Variants in SPOCK1 observed in about 807,000 individuals in gnomAD.
SPOCK1 encodes the protein SPARC (osteonectin), cwcv and kazal like domains proteoglycan 1, also known as testican-1.
Under a neutral mutation model 55.3 loss-of-function variants are expected in SPOCK1, and 23 were observed. The ratio of observed to expected loss-of-function variants is 0.42; its 90% CI spans 0.30 to 0.59. The LOEUF (loss-of-function observed/expected upper bound fraction) is 0.59. SPOCK1 is among the 20% of genes least tolerant of loss of function. The probability of loss-of-function intolerance (pLI) is 0.22; values close to 1 mark genes in which losing one functional copy is unlikely to be tolerated. For missense variants in SPOCK1, 499 were observed against 552.5 expected, an observed-to-expected ratio of 0.90 and a Z score of 0.97; for synonymous variants, 226 against 221.0, an observed-to-expected ratio of 1.02 and a Z score of -0.20.
chr5:136,994,454 A>G (rs1355507725), intron 6 of SPOCK1, among the ~76,000 whole-genome samples: 2 of 152,184 alleles, frequency 1.3e-5, no homozygotes, highest in South Asian at 4.1e-4. Flanking sequence ...ATATGGTTAT[A>G]TAAGTATAAA....
At chr5:137,382,175 C>CT (rs1017717292) in intron 2 of SPOCK1, among the ~76,000 whole-genome samples, 3 of 152,226 alleles carry the variant, frequency 2.0e-5, no homozygotes, top group Non-Finnish European at 4.4e-5. Context: ...CAAGAATGAC[C>CT]TTTGCTCCAG....
intron 6 of SPOCK1, among the ~76,000 whole-genome samples, chr5:137,042,554 G>C (rs1389763071): frequency 6.6e-6 from 1 of 152,120 alleles, no homozygotes; most frequent in Non-Finnish European, 1.5e-5. Flanking sequence ...GACCTGTGTA[G>C]TTTTGGAAAT....
In SPOCK1 at chr5:137,067,785, G is replaced by A; in HGVS notation, c.519C>T (p.Ala173=). 2 of 1,614,150 alleles carry A rather than the reference G, an allele frequency of 1.2e-6. No homozygotes were observed. Among genetic ancestry groups the A allele is most frequent in the African/African-American group, 1.3e-5 (1 of 75,034 alleles). The change falls in exon 6 of 11, where the codon GCC becomes GCT. Residue 173 remains alanine (A), a synonymous_variant. Transcript: ENST00000394945. The part of the protein sequence containing the change: ...FHACSTGKSL[A]TLCDGPCPCL... Reference sequence around the variant, plus strand: ...AGGGACAGGGCCCATCACAGAGGGTGGCGAGGCTTTTGCCAGTAGAACAAG... The same window carrying A: ...AGGGACAGGGCCCATCACAGAGGGTAGCGAGGCTTTTGCCAGTAGAACAAG...
intron 5 of SPOCK1, among the ~76,000 whole-genome samples, chr5:137,070,920 C>G (rs575406839): frequency 6.6e-6 from 1 of 152,152 alleles, no homozygotes; most frequent in South Asian, 2.1e-4. Flanking sequence ...TATCTCTTAT[C>G]TGTATCAGTG....
intron 2 of SPOCK1, among the ~76,000 whole-genome samples, chr5:137,315,874 T>C (rs746390488): frequency 2.6e-5 from 4 of 152,160 alleles, no homozygotes; most frequent in Non-Finnish European, 4.4e-5. Flanking sequence ...TTTGACTCAG[T>C]AGGTCCTAGG....
At chr5:137,225,271 T>G (rs1406096459) in intron 3 of SPOCK1, among the ~76,000 whole-genome samples, 2 of 152,044 alleles carry the variant, frequency 1.3e-5, no homozygotes, top group Non-Finnish European at 2.9e-5. Flanking sequence ...GAGAGTTAGT[T>G]AACTGCTCTG....
intron 2 of SPOCK1, among the ~76,000 whole-genome samples, chr5:137,290,155 C>T (rs1278693163): frequency 6.6e-6 from 1 of 152,162 alleles, no homozygotes; most frequent in Non-Finnish European, 1.5e-5. Context: ...CAGAAATGTT[C>T]ATAAGCAGAA....
At chr5:137,231,625 T>C (rs1051887686) in intron 3 of SPOCK1, among the ~76,000 whole-genome samples, 2 of 152,248 alleles carry the variant, frequency 1.3e-5, no homozygotes, top group Non-Finnish European at 2.9e-5. Context: ...ACAGCTGGTT[T>C]AACCACTCAC....
chr5:137,362,207 C>A (rs573470792), intron 2 of SPOCK1, among the ~76,000 whole-genome samples: 15 of 152,176 alleles, frequency 9.9e-5, no homozygotes, highest in African/African-American at 3.6e-4. Flanking sequence ...AAGAAGGTCA[C>A]TGCTTTAAAA....
chr5:137,120,387 A>G (rs147732039), intron 4 of SPOCK1, among the ~76,000 whole-genome samples: 1 of 152,322 alleles, frequency 6.6e-6, no homozygotes, highest in African/African-American at 2.4e-5. Flanking sequence ...TATGCATGCA[A>G]TTCCAAAAGC....
chr5:137,282,339 A>G (rs2127125874), intron 2 of SPOCK1, among the ~76,000 whole-genome samples: 1 of 152,344 alleles, frequency 6.6e-6, no homozygotes, highest in Admixed American at 6.5e-5. Flanking sequence ...GCAAAAGTGT[A>G]AATAAAATGC....
At chr5:137,107,132 C>T (rs1338299019) in intron 5 of SPOCK1, among the ~76,000 whole-genome samples, 2 of 152,226 alleles carry the variant, frequency 1.3e-5, no homozygotes, top group Non-Finnish European at 1.5e-5. Context: ...CTTATCTAAA[C>T]ATCTATTCTA....
intron 6 of SPOCK1, among the ~76,000 whole-genome samples, chr5:137,048,812 A>G (rs1363804785): frequency 1.0e-5 from 1 of 96,728 alleles, no homozygotes; most frequent in Admixed American, 1.2e-4. Flanking sequence ...CGCTTCCTTC[A>G]GGAGCTCTTT....
intron 6 of SPOCK1, among the ~76,000 whole-genome samples, chr5:137,016,087 G>C (rs1211677529): frequency 1.3e-5 from 2 of 152,170 alleles, no homozygotes. Flanking sequence ...GGGGAGATAA[G>C]GGTGATGGAA....
At position 137,499,291 on chromosome 5, in the gene SPOCK1, C is replaced by A. The variant is rs942143884; in HGVS notation, c.-113G>T. On this transcript the variant is annotated 5_prime_UTR_variant, in exon 1 of 11. Coordinates refer to ENST00000394945, the MANE Select transcript of SPOCK1 (RefSeq NM_004598.4). ...CTGCGCTCCTGCCACACGCCGCCGC[C>A]GAGCGTCTGGCCGCTTTGTGAGCCC... The A allele has an allele frequency of 6.6e-6, 1 of 151,846 alleles. No individual in the cohort carries two copies. Among genetic ancestry groups the A allele is most frequent in the Non-Finnish European group, 1.5e-5 (1 of 67,964 alleles). The allele number at this position is 151,846 out of a possible 1,614,324, so 9.4% of individuals were successfully genotyped here.
At chr5:137,160,408 A>AAT (rs1215924310) in intron 3 of SPOCK1, among the ~76,000 whole-genome samples, 215 of 124,652 alleles carry the variant, frequency 1.7e-3, no homozygotes, top group African/African-American at 5.9e-3. Context: ...AAATATATGA[A>AAT]ATATATATAT....
At chr5:137,021,030 C>T (rs969576621) in intron 6 of SPOCK1, among the ~76,000 whole-genome samples, 74 of 152,164 alleles carry the variant, frequency 4.9e-4, no homozygotes, top group African/African-American at 1.7e-3. Context: ...TATTATTCCT[C>T]AATAATTTCA....
At chr5:137,077,859 G>A (rs928464579) in intron 5 of SPOCK1, among the ~76,000 whole-genome samples, 2 of 152,178 alleles carry the variant, frequency 1.3e-5, no homozygotes, top group Non-Finnish European at 2.9e-5. Flanking sequence ...CATATAAGCT[G>A]TACCTTGAAA....
Position 137,098,844 on chromosome 5 carries a change from C to T in SPOCK1, c.474+13591G>A, listed in dbSNP as rs139032676. On this transcript the variant is annotated intron_variant, in intron 5 of 10. Transcript: ENST00000394945. ...AAGCAGATTTTCTCTGAAATGCCAC[C>T]GGGTCCACAGGCTCCACGGGCCACC... Among the ~76,000 whole-genome samples, 719 of 152,264 alleles carry T rather than the reference C, an allele frequency of 4.7e-3. 2 individuals are homozygous for T. Among genetic ancestry groups the T allele is most frequent in the African/African-American group, 0.016 (679 of 41,552 alleles).
Sources: gnomAD v4.1 joint callset for allele counts (sites outside exome capture counted in the v4.1 genomes callset) on GRCh38, gnomAD v4.1.1 for gene constraint, MANE v1.5 for transcripts, NCBI Gene and HGNC (gene_info 2026-07-23, HGNC 2026-07-21) for gene names.